The following SPATA13 variants were observed in gnomAD, a reference collection of about 807,000 sequenced individuals.
The protein encoded by SPATA13 is spermatogenesis associated 13.
Under a neutral mutation model 104.0 loss-of-function variants are expected in SPATA13, and 50 were observed. The observed-to-expected ratio is 0.48, with a 90% CI of 0.38 to 0.61. The LOEUF (loss-of-function observed/expected upper bound fraction) is 0.61. SPATA13 is among the 20% of genes least tolerant of loss of function. The probability of loss-of-function intolerance (pLI) is 0.00; values close to 1 mark genes in which losing one functional copy is unlikely to be tolerated. For missense variants in SPATA13, 1,524 were observed against 1,690.6 expected (o/e 0.90, Z 1.73); for synonymous variants, 606 against 667.5 (o/e 0.91, Z 1.42).
chr13:24,123,437 T>G, intron 3 of SPATA13: 1 of 1,438,638 alleles, frequency 7.0e-7, no homozygotes, highest in Middle Eastern at 2.0e-4. Context: ...GCAACATGCA[T>G]TCCATCTGAT....
At chr13:24,123,743 A>C in intron 3 of SPATA13, 1 of 1,479,866 alleles carries the variant, frequency 6.8e-7, no homozygotes, top group Non-Finnish European at 9.4e-7. Context: ...GAAAAATAAC[A>C]TCTTGGATAA....
rs563596056 is a variant in SPATA13, at chr13:24,054,382, G to A, written c.-112+36681G>A. Among the ~76,000 whole-genome samples, 3 of 152,340 alleles carry A rather than the reference G, an allele frequency of 2.0e-5. No individual in the cohort carries two copies. The East Asian group carries it at 5.8e-4, about 29-fold the overall frequency. On this transcript the variant is annotated intron_variant, in intron 3 of 14. Transcript: ENST00000424834. Reference sequence around the variant, plus strand: ...AAGTATCCAAGTGGGAGATTTCCAAGAAGCCATCACTAAGGCTACTACTGG... The same window carrying A: ...AAGTATCCAAGTGGGAGATTTCCAAAAAGCCATCACTAAGGCTACTACTGG...
chr13:24,116,046 G>T (rs1880823592), intron 3 of SPATA13, among the ~76,000 whole-genome samples: 1 of 152,218 alleles, frequency 6.6e-6, no homozygotes, highest in Non-Finnish European at 1.5e-5. Context: ...GGGGTTCCAG[G>T]TCAGCTGTAT....
Position 23,999,125 on chromosome 13 carries a change from C to T in SPATA13, c.-147+15192C>T, listed in dbSNP as rs555883844. ...TATTGTTAGTAGAGATGGGGTTTTG[C>T]CATGTTGGCCAGGCTGGTCTCGAAC... On this transcript the variant is annotated intron_variant, in intron 2 of 14. Coordinates refer to the SPATA13 transcript ENST00000424834. Among the ~76,000 whole-genome samples the T allele has an allele frequency of 2.0e-5, 3 of 152,014 alleles. No homozygotes were observed. The South Asian group carries it at 6.2e-4, about 32-fold the overall frequency.
intron 1 of SPATA13, among the ~76,000 whole-genome samples, chr13:23,980,090 A>C (rs1165319797): frequency 6.6e-6 from 1 of 152,018 alleles, no homozygotes; most frequent in Non-Finnish European, 1.5e-5. Flanking sequence ...ATAGAGCTAT[A>C]GGTGCGGTGA....
Position 24,286,624 on chromosome 13 carries a change from C to A in SPATA13, c.2482-141C>A. The A allele has an allele frequency of 1.2e-6, 1 of 868,158 alleles. No homozygotes were observed. Among genetic ancestry groups the A allele is most frequent in the Non-Finnish European group, 1.7e-6 (1 of 575,632 alleles). The allele number at this position is 868,158 out of a possible 1,614,324, so 53.8% of individuals were successfully genotyped here. ...GCCTGCTGGCATAGCCGCAGCCCTG[C>A]TGAGGCCATGAGACTCAGGCGAGGG... On this transcript the variant is annotated intron_variant, in intron 6 of 12. Transcript: ENST00000382108. The surrounding 1 kb of genome is among the most constrained non-coding windows in gnomAD (Gnocchi z 4.9).
intron 3 of SPATA13, among the ~76,000 whole-genome samples, chr13:24,096,144 C>T (rs969157320): frequency 3.9e-5 from 6 of 152,166 alleles, no homozygotes; most frequent in African/African-American, 7.2e-5. Context: ...GATCCTACCA[C>T]CTGCCTGGTG....
At chr13:24,021,672 C>T (rs1340658651) in intron 3 of SPATA13, among the ~76,000 whole-genome samples, 1 of 152,032 alleles carries the variant, frequency 6.6e-6, no homozygotes, top group Non-Finnish European at 1.5e-5. Flanking sequence ...CATTATTCAC[C>T]AGATGTTAAT....
intron 3 of SPATA13, chr13:24,033,386 C>T (rs17350384): frequency 0.23 from 34,899 of 152,132 alleles, 4,344 homozygotes; most frequent in Admixed American, 0.28. Context: ...TCTTGATGGC[C>T]AGACCCTCGT....
chr13:24,175,227 T>G (rs1047499432), intron 1 of SPATA13, among the ~76,000 whole-genome samples: 1 of 138,404 alleles, frequency 7.2e-6, no homozygotes, highest in South Asian at 2.4e-4. Context: ...ATGCTTGTTT[T>G]TTTGTTTTTT....
chr13:24,165,754 A>C (rs987714868), intron 1 of SPATA13, among the ~76,000 whole-genome samples: 3 of 152,220 alleles, frequency 2.0e-5, no homozygotes, highest in Admixed American at 2.0e-4. Flanking sequence ...CATCTTTTGC[A>C]GAAAATGTTG....
intron 3 of SPATA13, among the ~76,000 whole-genome samples, chr13:24,076,407 G>A (rs1223169650): frequency 1.3e-5 from 2 of 152,178 alleles, no homozygotes; most frequent in African/African-American, 4.8e-5. Context: ...GGGCAAGGAC[G>A]AGGGGAACAG....
At chr13:24,191,612 C>T (rs1169299602) in intron 1 of SPATA13, among the ~76,000 whole-genome samples, 12 of 145,288 alleles carry the variant, frequency 8.3e-5, no homozygotes, top group African/African-American at 3.0e-4. Flanking sequence ...TGGGTTCACG[C>T]CATTCTCCTG....
chr13:23,993,407 G>A (rs574129093), intron 2 of SPATA13, among the ~76,000 whole-genome samples: 170 of 152,356 alleles, frequency 1.1e-3, no homozygotes, highest in African/African-American at 3.9e-3. Context: ...CTTCCTAGCA[G>A]TGTACTACCC....
intron 1 of SPATA13, among the ~76,000 whole-genome samples, chr13:24,204,352 A>C (rs187018708): frequency 6.8e-6 from 1 of 146,268 alleles, no homozygotes; most frequent in African/African-American, 2.5e-5. Flanking sequence ...ATATTTTGGA[A>C]ATGCTTAATT....
In SPATA13 at chr13:24,251,819, G is replaced by T. The variant is rs370468360; in HGVS notation, c.2121G>T (p.Gly707=). 1.2e-5 allele frequency: 19 copies of T among 1,614,018 alleles called. No individual in the cohort carries two copies. The highest frequency in any genetic ancestry group is 1.4e-5 in the Non-Finnish European group (17 of 1,179,994). The change falls in exon 4 of 13, where the codon GGG becomes GGT. Residue 707 remains glycine, a synonymous_variant. Transcript: ENST00000382108. ...CATTCTCCCAGAGCACCCCCATTGGGTTGGACCGTGTGGGACGCCGGCGGC... is the reference window on the plus strand; with the variant it reads ...CATTCTCCCAGAGCACCCCCATTGGTTTGGACCGTGTGGGACGCCGGCGGC... The part of the protein sequence containing the change: ...PFTFSQSTPI[G]LDRVGRRRQM...
intron 3 of SPATA13, among the ~76,000 whole-genome samples, chr13:24,074,404 C>G (rs975440220): frequency 6.6e-6 from 1 of 152,092 alleles, no homozygotes; most frequent in Non-Finnish European, 1.5e-5. Flanking sequence ...TACCATTCAT[C>G]CATTGATGGA....
At chr13:24,125,124 C>T (rs1423385731) in intron 3 of SPATA13, among the ~76,000 whole-genome samples, 1 of 152,198 alleles carries the variant, frequency 6.6e-6, no homozygotes, top group Non-Finnish European at 1.5e-5. Flanking sequence ...GGACCCATAC[C>T]CTCTGTGAGG....
chr13:24,206,487 T>G (rs905555014), intron 1 of SPATA13, among the ~76,000 whole-genome samples: 4 of 152,214 alleles, frequency 2.6e-5, no homozygotes, highest in Non-Finnish European at 4.4e-5. Context: ...GTTCAGCCCT[T>G]GTGGAAAACA....
Sources: gnomAD v4.1 joint callset for allele counts (sites outside exome capture counted in the v4.1 genomes callset) on GRCh38, gnomAD v4.1.1 for gene constraint, Gnocchi (gnomAD v3.1) non-coding constraint, MANE v1.5 for transcripts, NCBI Gene and HGNC (gene_info 2026-07-23, HGNC 2026-07-21) for gene names.